The following SEC22C variants were observed in gnomAD, a reference collection of about 807,000 sequenced individuals.
SEC22C encodes vesicle-trafficking protein SEC22c.
Under a neutral mutation model 34.7 loss-of-function variants are expected in SEC22C, and 29 were observed. The observed-to-expected ratio is 0.84, with a 90% CI of 0.62 to 1.14. The LOEUF is 1.14. Among genes scored for constraint, SEC22C ranks in the 50% most tolerant of loss-of-function variants. SEC22C has a pLI of 0.00. For missense variants in SEC22C, 337 were observed against 369.0 expected, an observed-to-expected ratio of 0.91 and a Z score of 0.71; for synonymous variants, 117 against 132.8, an observed-to-expected ratio of 0.88 and a Z score of 0.82.
chr3:42,555,460 G>T lies in SEC22C; in HGVS notation c.711+470C>A, dbSNP rs140576767. 3.5e-4 allele frequency among the ~76,000 whole-genome samples: 53 copies of T among 152,272 alleles called. 2 individuals are homozygous for T. The East Asian group carries it at 9.8e-3, about 28-fold the overall frequency. On this transcript the variant is annotated intron_variant, in intron 6 of 6. Transcript: ENST00000264454. Reference sequence around the variant, plus strand: ...CCACCTTGGCCTTGAAAAGTACTGGGATTACAGGTGTGAGCCACAATGCCT... The same window carrying T: ...CCACCTTGGCCTTGAAAAGTACTGGTATTACAGGTGTGAGCCACAATGCCT...
chr3:42,581,591 C>A (rs1392327289), intron 1 of SEC22C, among the ~76,000 whole-genome samples: 1 of 152,292 alleles, frequency 6.6e-6, no homozygotes, highest in Non-Finnish European at 1.5e-5. Flanking sequence ...TGGCGCCCAT[C>A]TGTCAGCCCA....
At chr3:42,586,034 C>T (rs1454332893), upstream of SEC22C, among the ~76,000 whole-genome samples, 1 of 152,172 alleles carries the variant, frequency 6.6e-6, no homozygotes, top group Non-Finnish European at 1.5e-5. Context: ...CAACTCCTCT[C>T]CTTCCAGCTA....
intron 1 of SEC22C, among the ~76,000 whole-genome samples, chr3:42,572,141 ATTTG>A (rs763950746): frequency 2.0e-4 from 29 of 148,334 alleles, no homozygotes; most frequent in Non-Finnish European, 3.4e-4. Context: ...GTTTTTTCTT[ATTTG>A]TTTGTTTGTT....
intron 5 of SEC22C, among the ~76,000 whole-genome samples, chr3:42,556,722 GT>G (rs1702547896): frequency 6.6e-6 from 1 of 151,884 alleles, no homozygotes; most frequent in Non-Finnish European, 1.5e-5. Context: ...CCTCTTTTTT[GT>G]TTTTGTTTTC....
intron 2 of SEC22C, 194 bp from the exon 3 acceptor site, chr3:42,563,880 T>C (rs1214853631): frequency 6.8e-7 from 1 of 1,474,686 alleles, no homozygotes; most frequent in Non-Finnish European, 9.0e-7. Flanking sequence ...CTTTAAAATG[T>C]CTAGTAGTCT....
At chr3:42,587,735 C>CA (rs34964951) in intron 1 of SEC22C, among the ~76,000 whole-genome samples, 10,879 of 135,840 alleles carry the variant, frequency 0.08, 482 homozygotes, top group Non-Finnish European at 0.11. Context: ...GACTCCGTCT[C>CA]AAAAAAAAAA....
intron 1 of SEC22C, among the ~76,000 whole-genome samples, chr3:42,579,186 A>T (rs1466442602): frequency 6.6e-6 from 1 of 152,192 alleles, no homozygotes; most frequent in Non-Finnish European, 1.5e-5. Context: ...CTGAGGCAGG[A>T]GAGTCACTTG....
intron 1 of SEC22C, 127 bp from the exon 2 acceptor site, chr3:42,569,200 A>T: frequency 1.5e-6 from 1 of 651,458 alleles, no homozygotes; most frequent in South Asian, 2.0e-5. Flanking sequence ...TGTTGCTTTT[A>T]TTGTTATTTC....
chr3:42,558,498 A>AAG (rs1431054829), intron 4 of SEC22C, among the ~76,000 whole-genome samples: 20 of 151,224 alleles, frequency 1.3e-4, no homozygotes, highest in Middle Eastern at 3.4e-3. Context: ...AAAAAAAAAA[A>AAG]AAAAAAGTTC....
chr3:42,556,133 G>GGCTGGGTGAGA, intron 5 of SEC22C, 138 bp from the exon 6 acceptor site: 1 of 650,570 alleles, frequency 1.5e-6, no homozygotes, highest in Non-Finnish European at 2.7e-6. Context: ...ACAAGTTCCT[G>GGCTGGGTGAGA]TTTATGCACC....
At chr3:42,558,278 C>T (rs1702656250) in intron 4 of SEC22C, among the ~76,000 whole-genome samples, 1 of 150,548 alleles carries the variant, frequency 6.6e-6, no homozygotes, top group African/African-American at 2.4e-5. Flanking sequence ...CCCAGGAGTT[C>T]AAAACCAGCC....
chr3:42,570,822 G>A (rs796101200), intron 1 of SEC22C, among the ~76,000 whole-genome samples: 6 of 152,128 alleles, frequency 3.9e-5, no homozygotes, highest in African/African-American at 1.4e-4. Flanking sequence ...AGAGTTATAG[G>A]GCACAAAGCC....
chr3:42,552,514 T>C lies in SEC22C; in HGVS notation c.*734A>G. 1.0e-6 allele frequency: 1 copy of C among 983,130 alleles called. No homozygotes were observed. The highest frequency in any genetic ancestry group is 1.2e-6 in the Non-Finnish European group (1 of 827,880). The allele number at this position is 983,130 out of a possible 1,614,324, so 60.9% of individuals were successfully genotyped here. Reference sequence around the variant, plus strand: ...CTAGAAGTACTGGTTATTCAATTAATTTTTAAAATATTCGGATATACCCTG... The same window carrying C: ...CTAGAAGTACTGGTTATTCAATTAACTTTTAAAATATTCGGATATACCCTG... On this transcript the variant is annotated 3_prime_UTR_variant, in exon 7 of 7. Transcript: ENST00000264454.
intron 1 of SEC22C, among the ~76,000 whole-genome samples, chr3:42,590,179 G>C (rs1315824626): frequency 2.6e-5 from 4 of 152,228 alleles, no homozygotes; most frequent in Non-Finnish European, 5.9e-5. Flanking sequence ...AAAGAGTAAA[G>C]CTAATACCAG....
intron 1 of SEC22C, among the ~76,000 whole-genome samples, chr3:42,578,497 G>A (rs190843613): frequency 5.3e-5 from 8 of 151,270 alleles, no homozygotes; most frequent in East Asian, 2.0e-4. Context: ...TCTTGATTGC[G>A]GTGATGATTA....
chr3:42,587,234 G>T (rs1381416961), intron 1 of SEC22C, among the ~76,000 whole-genome samples: 2 of 152,088 alleles, frequency 1.3e-5, no homozygotes, highest in Admixed American at 6.6e-5. Context: ...ACCATCCATG[G>T]CTCCCATTAC....
At chr3:42,591,246 C>T in intron 1 of SEC22C, 1 of 584,894 alleles carries the variant, frequency 1.7e-6, no homozygotes, top group East Asian at 2.8e-5. Context: ...GTCGCCCAGG[C>T]TGGAGTGCAG....
intron 1 of SEC22C, among the ~76,000 whole-genome samples, chr3:42,571,984 G>C (rs1230391422): frequency 6.6e-6 from 1 of 152,130 alleles, no homozygotes; most frequent in African/African-American, 2.4e-5. Context: ...AGTGAGCTGA[G>C]ATTGTGTCAC....
chr3:42,565,531 C>G (rs1057475428), intron 2 of SEC22C, among the ~76,000 whole-genome samples: 1 of 152,026 alleles, frequency 6.6e-6, no homozygotes, highest in Non-Finnish European at 1.5e-5. Flanking sequence ...AAGATGTAAC[C>G]AAGATAAAAT....
Sources: allele counts gnomAD v4.1 joint callset (sites outside exome capture counted in the v4.1 genomes callset), GRCh38; gene constraint gnomAD v4.1.1; transcripts MANE v1.5; gene names NCBI Gene and HGNC (gene_info 2026-07-23, HGNC 2026-07-21).